AP2B1: variants seen among roughly 807,000 people sequenced by gnomAD.
AP2B1 encodes the protein AP-2 complex subunit beta.
A neutral mutation model predicts 102.0 loss-of-function variants in AP2B1; 23 were observed. The ratio of observed to expected loss-of-function variants is 0.23; its 90% CI spans 0.16 to 0.32. The LOEUF is 0.32. AP2B1 is among the 10% of genes least tolerant of loss of function. The pLI is 1.00. For missense variants in AP2B1, 541 were observed against 1,157.4 expected, an observed-to-expected ratio of 0.47 and a Z score of 7.73; for synonymous variants, 381 against 421.2, an observed-to-expected ratio of 0.90 and a Z score of 1.17.
intron 2 of AP2B1, 64 bp from the exon 3 acceptor site, chr17:35,598,166 G>A (rs141350233): frequency 1.5e-5 from 13 of 875,276 alleles, no homozygotes; most frequent in Middle Eastern, 6.5e-4. Context: ...TTATTACATA[G>A]TGTAGTATTC....
chr17:35,721,789 A>G (rs2085401448), intron 21 of AP2B1, among the ~76,000 whole-genome samples: 2 of 152,198 alleles, frequency 1.3e-5, no homozygotes, highest in African/African-American at 2.4e-5. Context: ...TTGGGGGAGT[A>G]TTTGGGGACT....
At chr17:35,664,831 T>G (rs1197393976) in intron 14 of AP2B1, among the ~76,000 whole-genome samples, 1 of 152,122 alleles carries the variant, frequency 6.6e-6, no homozygotes, top group Non-Finnish European at 1.5e-5. Flanking sequence ...TCTTGTTGAT[T>G]TTTACTATAT....
At chr17:35,695,090 G>A (rs144043505) in intron 18 of AP2B1, among the ~76,000 whole-genome samples, 35 of 152,150 alleles carry the variant, frequency 2.3e-4, no homozygotes, top group African/African-American at 6.0e-4. Context: ...GGTCCCTTTC[G>A]GCTTATCTGT....
intron 3 of AP2B1, among the ~76,000 whole-genome samples, chr17:35,604,140 C>T (rs1435219417): frequency 6.6e-6 from 1 of 152,084 alleles, no homozygotes; most frequent in Non-Finnish European, 1.5e-5. Context: ...TGGGGTCTCT[C>T]TCTGTTCCTC....
At chr17:35,652,025 A>G (rs949026023) in intron 13 of AP2B1, among the ~76,000 whole-genome samples, 2 of 152,222 alleles carry the variant, frequency 1.3e-5, no homozygotes, top group Non-Finnish European at 2.9e-5. Flanking sequence ...TAACCCTCAC[A>G]TGGAAGTGGG....
chr17:35,701,546 T>A (rs2076239159), intron 18 of AP2B1, among the ~76,000 whole-genome samples: 1 of 152,214 alleles, frequency 6.6e-6, no homozygotes, highest in African/African-American at 2.4e-5. Context: ...GTCCATTCTT[T>A]CCTCTTCTAT....
At chr17:35,722,914 C>A (rs2085445056) in intron 21 of AP2B1, among the ~76,000 whole-genome samples, 1 of 152,082 alleles carries the variant, frequency 6.6e-6, no homozygotes, top group Non-Finnish European at 1.5e-5. Flanking sequence ...CCATTAAGAT[C>A]TTTTTAATAT....
chr17:35,678,354 T>C (rs535757796), intron 17 of AP2B1, among the ~76,000 whole-genome samples: 45 of 152,296 alleles, frequency 3.0e-4, no homozygotes, highest in Non-Finnish European at 2.9e-5. Flanking sequence ...TTTTATCTTT[T>C]CCTATTCAAT....
chr17:35,613,431 A>G (rs1326894042), intron 5 of AP2B1, among the ~76,000 whole-genome samples: 1 of 152,122 alleles, frequency 6.6e-6, no homozygotes, highest in Non-Finnish European at 1.5e-5. Flanking sequence ...AGAGAATCAC[A>G]TACATCTTAC....
chr17:35,659,564 G>C (rs1469612205), intron 14 of AP2B1, among the ~76,000 whole-genome samples: 4 of 152,152 alleles, frequency 2.6e-5, no homozygotes, highest in Admixed American at 1.3e-4. Flanking sequence ...TTGGATTGTA[G>C]TAGCCAAAGT....
intron 18 of AP2B1, among the ~76,000 whole-genome samples, chr17:35,702,828 A>AT (rs909267103): frequency 5.9e-5 from 9 of 152,164 alleles, no homozygotes; most frequent in Non-Finnish European, 1.5e-5. Context: ...ATGAGATACT[A>AT]TCTCACACCA....
intron 13 of AP2B1, 131 bp from the exon 14 acceptor site, chr17:35,657,467 TA>T: frequency 1.6e-6 from 1 of 607,368 alleles, no homozygotes; most frequent in Non-Finnish European, 2.7e-6. Flanking sequence ...CAAATGGTTA[TA>T]AAATCAGAGA....
At chr17:35,715,746 C>T (rs1462585728) in intron 20 of AP2B1, among the ~76,000 whole-genome samples, 4 of 152,170 alleles carry the variant, frequency 2.6e-5, no homozygotes, top group Admixed American at 2.0e-4. Context: ...ATAGATGTAC[C>T]CTGAGATACA....
intron 14 of AP2B1, among the ~76,000 whole-genome samples, chr17:35,668,059 T>C (rs2075507506): frequency 6.6e-6 from 1 of 151,242 alleles, no homozygotes; most frequent in African/African-American, 2.4e-5. Flanking sequence ...TGTATCAGCC[T>C]TCTGAGTAGC....
intron 2 of AP2B1, among the ~76,000 whole-genome samples, chr17:35,597,521 A>G (rs2073332537): frequency 6.6e-6 from 1 of 152,216 alleles, no homozygotes; most frequent in Non-Finnish European, 1.5e-5. Context: ...GTTTGATTGA[A>G]TAGCAAGGGC....
chr17:35,686,845 A>G (rs1446057589), intron 18 of AP2B1, among the ~76,000 whole-genome samples: 1 of 152,178 alleles, frequency 6.6e-6, no homozygotes, highest in Non-Finnish European at 1.5e-5. Context: ...AGGTGCCTGT[A>G]GTCCCAGCTA....
rs71366472 is a variant in AP2B1 at position 35,660,481 on chromosome 17, C to CTT, written c.1989+2707_1989+2708dup. On this transcript the variant is annotated intron_variant, in intron 14 of 21. Transcript: ENST00000610402. ...CAGATACCTTTTTCTTTTTCTCTCTCTTTTTTTTTTTTTTTTTTGGAGGTG... is the reference window on the plus strand; with the variant it reads ...CAGATACCTTTTTCTTTTTCTCTCTCTTTTTTTTTTTTTTTTTTTTGGAGGTG... 2.7e-3 allele frequency among the ~76,000 whole-genome samples: 342 copies of CTT among 127,684 alleles called. 1 individual carries two copies. Among genetic ancestry groups the CTT allele is most frequent in the East Asian group, 7.8e-3 (35 of 4,480 alleles). 83.8% of individuals were successfully genotyped at this position (127,684 alleles called of 152,430 possible). A position where few individuals can be genotyped will look rare whatever the true frequency, so the allele number is the denominator to read the frequency against.
Position 35,725,934 on chromosome 17 carries a change from T to C in AP2B1, c.*2235T>C, listed in dbSNP as rs1267437189. Reference sequence around the variant, plus strand: ...AGCCAACCCATGAACTCTTCACTCCTTGGGGAAGCCACCTCCCATCACACC... The same window carrying C: ...AGCCAACCCATGAACTCTTCACTCCCTGGGGAAGCCACCTCCCATCACACC... On this transcript the variant is annotated 3_prime_UTR_variant, in exon 22 of 22. Transcript: ENST00000610402. 6.6e-6 allele frequency: 1 copy of C among 152,142 alleles called. No individual in the cohort carries two copies. The highest frequency in any genetic ancestry group is 2.4e-5 in the African/African-American group (1 of 41,404). The allele number at this position is 152,142 out of a possible 1,614,324, so 9.4% of individuals were successfully genotyped here. A position where few individuals can be genotyped will look rare whatever the true frequency, so the allele number is the denominator to read the frequency against.
intron 5 of AP2B1, among the ~76,000 whole-genome samples, chr17:35,612,924 C>T (rs2073908175): frequency 6.6e-6 from 1 of 150,700 alleles, no homozygotes; most frequent in South Asian, 2.1e-4. Context: ...GCTTCATTTT[C>T]TCAAAGTGTT....
Sources: allele counts gnomAD v4.1 joint callset (sites outside exome capture counted in the v4.1 genomes callset), GRCh38; gene constraint gnomAD v4.1.1; transcripts MANE v1.5; gene names NCBI Gene and HGNC (gene_info 2026-07-23, HGNC 2026-07-21).